CACNA1D: variants seen among roughly 807,000 people sequenced by gnomAD.
The protein encoded by CACNA1D is calcium voltage-gated channel subunit alpha1 D.
Under a neutral mutation model 257.1 loss-of-function variants are expected in CACNA1D, and 55 were observed. The observed-to-expected ratio is 0.21, with a 90% CI of 0.17 to 0.27. The LOEUF is 0.27. Ranked by LOEUF, CACNA1D falls within the 10% of genes least tolerant of loss-of-function variation. The pLI is 1.00. For missense variants in CACNA1D, 1,876 were observed against 2,784.0 expected (o/e 0.67, Z 7.34); for synonymous variants, 980 against 1,014.9 (o/e 0.97, Z 0.65).
rs1267087377 is a variant in CACNA1D, at chr3:53,813,589, C to T, written c.*2183C>T. The T allele has an allele frequency of 1.3e-5, 2 of 152,204 alleles. No individual in the cohort carries two copies. The highest frequency in any genetic ancestry group is 2.9e-5 in the Non-Finnish European group (2 of 68,044). 9.4% of individuals were successfully genotyped at this position (152,204 alleles called of 1,614,324 possible). ...AGGCCAAAATTGCCAGACCAGGACC[C>T]TAAGTGTCTGATAGAGGCGATGATC... On this transcript the variant is annotated 3_prime_UTR_variant, in exon 48 of 48. Transcript: ENST00000350061.
intron 29 of CACNA1D, among the ~76,000 whole-genome samples, chr3:53,759,803 A>G (rs2095290109): frequency 6.6e-6 from 1 of 152,244 alleles, no homozygotes; most frequent in South Asian, 2.1e-4. Flanking sequence ...TTCTTGGACG[A>G]AGGAAACTGC....
Position 53,708,886 on chromosome 3 carries a change from G to C in CACNA1D, c.1390+6076G>C, listed in dbSNP as rs1455165888. ...CGCATGCATATAGCTTCCACCCTAA[G>C]ATGCCCAACACAGGTATTTTTCACT... On this transcript the variant is annotated intron_variant, in intron 9 of 47. Transcript: ENST00000350061. Among the ~76,000 whole-genome samples the C allele has an allele frequency of 7.9e-5, 12 of 152,124 alleles. 1 individual carries two copies. The highest frequency in any genetic ancestry group is 2.9e-4 in the African/African-American group (12 of 41,408).
At chr3:53,537,832 G>A (rs978167207) in intron 3 of CACNA1D, among the ~76,000 whole-genome samples, 8 of 152,150 alleles carry the variant, frequency 5.3e-5, no homozygotes, top group African/African-American at 1.9e-4. Context: ...TGTTTAATAT[G>A]TTCCTCTCTC....
chr3:53,505,115 GTT>G (rs35938386), intron 3 of CACNA1D, among the ~76,000 whole-genome samples: 2 of 97,616 alleles, frequency 2.0e-5, no homozygotes, highest in African/African-American at 4.1e-5. Flanking sequence ...TTGTTTATTT[GTT>G]TTTTTTTTTT....
intron 3 of CACNA1D, among the ~76,000 whole-genome samples, chr3:53,597,241 A>G (rs1217041328): frequency 6.6e-6 from 1 of 152,240 alleles, no homozygotes; most frequent in Non-Finnish European, 1.5e-5. Flanking sequence ...TTTGAAGCTT[A>G]TCTTTAGGGA....
chr3:53,702,319 G>T (rs1284604453), intron 8 of CACNA1D, among the ~76,000 whole-genome samples: 1 of 152,200 alleles, frequency 6.6e-6, no homozygotes. Flanking sequence ...CCCCTTGTTG[G>T]GGGGTGTCAG....
intron 20 of CACNA1D, among the ~76,000 whole-genome samples, chr3:53,738,624 C>T (rs529616539): frequency 8.5e-5 from 13 of 152,278 alleles, no homozygotes; most frequent in African/African-American, 2.9e-4. Flanking sequence ...ACTGCTTCTC[C>T]ATAAGTTTAT....
intron 3 of CACNA1D, among the ~76,000 whole-genome samples, chr3:53,620,278 C>G (rs907255599): frequency 6.6e-6 from 1 of 152,122 alleles, no homozygotes; most frequent in South Asian, 2.1e-4. Flanking sequence ...GAACCCAGTT[C>G]TCGTCCATCT....
intron 3 of CACNA1D, among the ~76,000 whole-genome samples, chr3:53,632,072 A>C (rs2093827724): frequency 6.6e-6 from 1 of 152,202 alleles, no homozygotes; most frequent in African/African-American, 2.4e-5. Flanking sequence ...CTGTCCTTTG[A>C]AGCTTTGAAG....
chr3:53,795,937 C>T (rs2095505715), intron 40 of CACNA1D, among the ~76,000 whole-genome samples: 1 of 152,182 alleles, frequency 6.6e-6, no homozygotes, highest in Non-Finnish European at 1.5e-5. Context: ...CTGTGGATGA[C>T]TAACAGAGCG....
At chr3:53,591,439 A>G (rs923114670) in intron 3 of CACNA1D, among the ~76,000 whole-genome samples, 6 of 152,078 alleles carry the variant, frequency 3.9e-5, no homozygotes, top group Non-Finnish European at 7.4e-5. Flanking sequence ...TTTTTAGTAG[A>G]GACGGAGTTT....
intron 40 of CACNA1D, chr3:53,796,319 G>A (rs2095507486): frequency 4.4e-6 from 2 of 455,890 alleles, no homozygotes; most frequent in African/African-American, 4.0e-5. Context: ...GAGTCTCAAA[G>A]CCTGGCGCTT....
intron 3 of CACNA1D, among the ~76,000 whole-genome samples, chr3:53,560,874 C>T (rs931002152): frequency 6.6e-6 from 1 of 152,164 alleles, no homozygotes; most frequent in Non-Finnish European, 1.5e-5. Flanking sequence ...AACAACTCCT[C>T]TTGATTGAAA....
intron 3 of CACNA1D, among the ~76,000 whole-genome samples, chr3:53,597,045 A>C (rs995465737): frequency 1.7e-4 from 26 of 152,236 alleles, no homozygotes; most frequent in African/African-American, 6.3e-4. Flanking sequence ...AAACATAGGG[A>C]AGAAAGAAAT....
intron 29 of CACNA1D, among the ~76,000 whole-genome samples, chr3:53,761,524 T>C (rs914255319): frequency 2.0e-5 from 3 of 152,198 alleles, no homozygotes; most frequent in East Asian, 1.9e-4. Flanking sequence ...TTGCGAGGAC[T>C]GGAGAGCATT....
chr3:53,708,464 C>T (rs1160074848), intron 9 of CACNA1D, among the ~76,000 whole-genome samples: 1 of 152,178 alleles, frequency 6.6e-6, no homozygotes, highest in Non-Finnish European at 1.5e-5. Flanking sequence ...GACACTGTCT[C>T]CATTGGGGTG....
At chr3:53,502,005 A>T (rs1445030874) in intron 3 of CACNA1D, among the ~76,000 whole-genome samples, 1 of 151,356 alleles carries the variant, frequency 6.6e-6, no homozygotes, top group Admixed American at 6.6e-5. Context: ...TCTCCACATA[A>T]GTTTTTGCTA....
At chr3:53,711,682 A>G (rs918047384) in intron 9 of CACNA1D, among the ~76,000 whole-genome samples, 1 of 152,252 alleles carries the variant, frequency 6.6e-6, no homozygotes, top group Non-Finnish European at 1.5e-5. Flanking sequence ...CCCCATGGGA[A>G]TGCTGAGCTG....
At chr3:53,514,405 T>C (rs1267250223) in intron 3 of CACNA1D, among the ~76,000 whole-genome samples, 1 of 152,042 alleles carries the variant, frequency 6.6e-6, no homozygotes, top group Non-Finnish European at 1.5e-5. Flanking sequence ...GGGGTCTCTC[T>C]GGCTAGGCTT....
Sources: allele counts gnomAD v4.1 joint callset (sites outside exome capture counted in the v4.1 genomes callset), GRCh38; gene constraint gnomAD v4.1.1; transcripts MANE v1.5; gene names NCBI Gene and HGNC (gene_info 2026-07-23, HGNC 2026-07-21).